The following TSPAN15 variants were observed in gnomAD, a reference collection of about 807,000 sequenced individuals.
TSPAN15 encodes tetraspanin-15.
TSPAN15 carries 20 observed loss-of-function variants against 34.5 expected under a neutral mutation model. The observed-to-expected ratio is 0.58, with a 90% CI of 0.41 to 0.84. TSPAN15 has a LOEUF of 0.84. Among genes scored for constraint, TSPAN15 ranks in the 40% least tolerant of loss-of-function variants. TSPAN15 has a pLI of 0.00. For missense variants in TSPAN15, 313 were observed against 386.1 expected (o/e 0.81, Z 1.59); for synonymous variants, 155 against 153.9 (o/e 1.01, Z -0.05).
the TSPAN15 span, among the ~76,000 whole-genome samples, chr10:69,513,217 A>G: frequency 6.6e-6 from 1 of 152,244 alleles, no homozygotes; most frequent in Non-Finnish European, 1.5e-5. Flanking sequence ...TGCCATCCAC[A>G]TAATTTCTTT....
chr10:69,546,087 A>G, the TSPAN15 span, among the ~76,000 whole-genome samples: 1 of 152,134 alleles, frequency 6.6e-6, no homozygotes, highest in East Asian at 1.9e-4. Flanking sequence ...CCTAGTCCGT[A>G]TTCTTCACCT....
the TSPAN15 span, among the ~76,000 whole-genome samples, chr10:69,520,819 C>G: frequency 6.6e-6 from 1 of 152,126 alleles, no homozygotes; most frequent in Non-Finnish European, 1.5e-5. Flanking sequence ...GTTTTTGGTT[C>G]TTTTTGGGAG....
the TSPAN15 span, among the ~76,000 whole-genome samples, chr10:69,516,390 A>C: frequency 1.3e-5 from 2 of 152,178 alleles, no homozygotes; most frequent in Non-Finnish European, 1.5e-5. Flanking sequence ...TTCCCCCACC[A>C]ATAGGATCTG....
downstream of TSPAN15, among the ~76,000 whole-genome samples, chr10:69,510,342 T>C (rs1842402142): frequency 6.6e-6 from 1 of 152,242 alleles, no homozygotes; most frequent in Admixed American, 6.5e-5. Flanking sequence ...TTTATAGCAA[T>C]TGTGAATGGG....
intron 3 of TSPAN15, among the ~76,000 whole-genome samples, chr10:69,486,576 C>CT (rs1265845797): frequency 6.6e-6 from 1 of 152,222 alleles, no homozygotes; most frequent in Non-Finnish European, 1.5e-5. Flanking sequence ...GTAGCTGGGA[C>CT]TACAGTCATG....
intron 3 of TSPAN15, among the ~76,000 whole-genome samples, chr10:69,490,865 A>G (rs1307955567): frequency 6.6e-6 from 1 of 152,120 alleles, no homozygotes; most frequent in Admixed American, 6.5e-5. Context: ...TTTCCCAAAT[A>G]TTTTCCATCC....
chr10:69,495,751 C>T (rs1390416950), intron 4 of TSPAN15, 62 bp downstream of exon 4: 2 of 1,205,672 alleles, frequency 1.7e-6, no homozygotes, highest in Non-Finnish European at 2.5e-6. Context: ...CATTCAGGCC[C>T]CTGCTCAAGA....
At chr10:69,526,634 A>G in the TSPAN15 span, among the ~76,000 whole-genome samples, 1 of 147,448 alleles carries the variant, frequency 6.8e-6, no homozygotes, top group Admixed American at 7.0e-5. Flanking sequence ...CTCTACAAAA[A>G]TAAAAGTTAG....
chr10:69,535,646 A>G, the TSPAN15 span, among the ~76,000 whole-genome samples: 2 of 152,224 alleles, frequency 1.3e-5, no homozygotes, highest in South Asian at 4.1e-4. Flanking sequence ...TTCAGTGTCT[A>G]GGGCCAGCTT....
chr10:69,487,100 T>G (rs1009751806), intron 3 of TSPAN15, among the ~76,000 whole-genome samples: 1 of 151,862 alleles, frequency 6.6e-6, no homozygotes, highest in Non-Finnish European at 1.5e-5. Context: ...GGGTTAGTGC[T>G]TTCCTGGCTG....
intron 2 of TSPAN15, chr10:69,484,092 A>G: frequency 2.1e-6 from 1 of 484,228 alleles, no homozygotes; most frequent in Non-Finnish European, 3.6e-6. Context: ...GTTCTTACTT[A>G]AACTCTGTGT....
chr10:69,517,242 C>A, the TSPAN15 span, among the ~76,000 whole-genome samples: 1 of 152,184 alleles, frequency 6.6e-6, no homozygotes, highest in Non-Finnish European at 1.5e-5. Flanking sequence ...GCCAGGGCTG[C>A]CCCCAGCCCC....
At chr10:69,545,075 C>T in the TSPAN15 span, among the ~76,000 whole-genome samples, 1 of 152,198 alleles carries the variant, frequency 6.6e-6, no homozygotes, top group African/African-American at 2.4e-5. Flanking sequence ...CCTCTCCAAA[C>T]TGGGGGTCCC....
chr10:69,507,689 T>C (rs1345215991), downstream of TSPAN15: 2 of 1,243,574 alleles, frequency 1.6e-6, no homozygotes, highest in Non-Finnish European at 2.1e-6. Flanking sequence ...TCCTGTGTGC[T>C]GTTTTGTTGG....
the TSPAN15 span, among the ~76,000 whole-genome samples, chr10:69,532,569 T>A: frequency 1.3e-5 from 2 of 152,192 alleles, no homozygotes; most frequent in Non-Finnish European, 2.9e-5. Context: ...CTTGAAACTA[T>A]AAAAATTCTA....
chr10:69,521,167 C>T, the TSPAN15 span, among the ~76,000 whole-genome samples: 6 of 152,136 alleles, frequency 3.9e-5, no homozygotes, highest in African/African-American at 1.4e-4. Context: ...ATCTCCTTCC[C>T]CAGCGTGGGC....
the TSPAN15 span, among the ~76,000 whole-genome samples, chr10:69,532,030 T>C: frequency 1.3e-5 from 2 of 150,724 alleles, no homozygotes; most frequent in Non-Finnish European, 3.0e-5. Context: ...CTGAAAGAAA[T>C]CATAGATGAC....
At chr10:69,463,733 C>G (rs1363592362) in intron 1 of TSPAN15, among the ~76,000 whole-genome samples, 2 of 149,276 alleles carry the variant, frequency 1.3e-5, no homozygotes, top group East Asian at 3.9e-4. Context: ...TTGCTTGAAC[C>G]TGGGAGGTGG....
the TSPAN15 span, among the ~76,000 whole-genome samples, chr10:69,525,917 G>T: frequency 1.4e-5 from 2 of 145,350 alleles, no homozygotes; most frequent in South Asian, 4.3e-4. Context: ...CTGAAGAAAA[G>T]AATAATAATA....
Sources: allele counts gnomAD v4.1 joint callset (sites outside exome capture counted in the v4.1 genomes callset), GRCh38; gene constraint gnomAD v4.1.1; transcripts MANE v1.5; gene names NCBI Gene and HGNC (gene_info 2026-07-23, HGNC 2026-07-21).